UNC5C: variants seen among roughly 807,000 people sequenced by gnomAD.
UNC5C encodes the protein netrin receptor UNC5C.
A neutral mutation model predicts 99.8 loss-of-function variants in UNC5C; 47 were observed. The observed-to-expected ratio is 0.47, with a 90% confidence interval of 0.37 to 0.60. The LOEUF (loss-of-function observed/expected upper bound fraction) is 0.60, where lower values mean the gene tolerates loss of function less well. UNC5C is among the 20% of genes least tolerant of loss of function. The probability of loss-of-function intolerance (pLI) is 0.00; values close to 1 mark genes in which losing one functional copy is unlikely to be tolerated. For synonymous variants in UNC5C, 487 were observed against 452.2 expected (o/e 1.08, Z -0.98); for missense variants, 1,062 against 1,165.9 (o/e 0.91, Z 1.30).
At chr4:95,346,931 G>GA (rs1560797370) in intron 1 of UNC5C, among the ~76,000 whole-genome samples, 1 of 150,982 alleles carries the variant, frequency 6.6e-6, no homozygotes, top group African/African-American at 2.4e-5. Flanking sequence ...TCAGACAAGA[G>GA]AAAAAAAATA....
chr4:95,396,640 G>A (rs1410990303), intron 1 of UNC5C, among the ~76,000 whole-genome samples: 2 of 152,042 alleles, frequency 1.3e-5, no homozygotes, highest in African/African-American at 4.8e-5. Context: ...TCTCTCGACT[G>A]GTTCCTTCTG....
Position 95,301,625 on chromosome 4 carries a change from CT to C in UNC5C, c.470del (p.Lys157ArgfsTer18). On this transcript the variant is annotated frameshift_variant, in exon 3 of 16. Transcript: ENST00000453304. LOFTEE classifies it high-confidence loss of function. ...WSSAGTTKSRKAYVRIAYLRK... is the reference protein window; with the variant it reads ...WSSAGTTKSRXAYVRIAYLRK... ...ACTCACATGCAATGCGCACATACGC[CT>C]TCCGGCTCTTTGTGGTACCCGCGGA... 1 of 1,614,058 alleles carries C rather than the reference CT, an allele frequency of 6.2e-7. No homozygotes were observed.
chr4:95,529,417 T>C (rs1425026041), intron 1 of UNC5C, among the ~76,000 whole-genome samples: 1 of 150,458 alleles, frequency 6.6e-6, no homozygotes, highest in African/African-American at 2.4e-5. Context: ...TCTAGTCACA[T>C]TTATCCTCAT....
intron 1 of UNC5C, among the ~76,000 whole-genome samples, chr4:95,456,029 C>T (rs992802268): frequency 5.9e-5 from 9 of 151,978 alleles, no homozygotes; most frequent in East Asian, 1.9e-4. Flanking sequence ...GACTGCTACC[C>T]GGTGAGGCCT....
intron 12 of UNC5C, among the ~76,000 whole-genome samples, chr4:95,185,580 G>A (rs2149351841): frequency 6.6e-6 from 1 of 152,238 alleles, no homozygotes; most frequent in African/African-American, 2.4e-5. Flanking sequence ...TGATTGATAA[G>A]AAAGTAGATT....
chr4:95,306,048 T>A (rs551880194), intron 2 of UNC5C, among the ~76,000 whole-genome samples: 1 of 152,262 alleles, frequency 6.6e-6, no homozygotes, highest in East Asian at 1.9e-4. Context: ...TAAAATAATA[T>A]CTGTATTTCC....
intron 1 of UNC5C, among the ~76,000 whole-genome samples, chr4:95,345,845 T>C (rs1182275160): frequency 2.6e-5 from 4 of 152,034 alleles, no homozygotes; most frequent in South Asian, 2.1e-4. Flanking sequence ...CTATGGGATA[T>C]GGCAAAAGCA....
intron 3 of UNC5C, among the ~76,000 whole-genome samples, chr4:95,283,796 G>A (rs1430065057): frequency 6.6e-6 from 1 of 152,208 alleles, no homozygotes; most frequent in Non-Finnish European, 1.5e-5. Context: ...TTATAAGACT[G>A]CTACTAAAAT....
chr4:95,546,793 T>C (rs1483146093), intron 1 of UNC5C, among the ~76,000 whole-genome samples: 1 of 152,240 alleles, frequency 6.6e-6, no homozygotes, highest in Non-Finnish European at 1.5e-5. Flanking sequence ...TGTTTGATTA[T>C]CTTTATTGAT....
At chr4:95,186,703 A>AAT (rs1207180202) in intron 12 of UNC5C, among the ~76,000 whole-genome samples, 2 of 152,210 alleles carry the variant, frequency 1.3e-5, no homozygotes, top group African/African-American at 4.8e-5. Flanking sequence ...GAGATGAGGC[A>AAT]ATAGCACACT....
intron 1 of UNC5C, among the ~76,000 whole-genome samples, chr4:95,494,414 A>C (rs2149482335): frequency 6.6e-6 from 1 of 151,590 alleles, no homozygotes; most frequent in Admixed American, 6.6e-5. Context: ...CAGCTGTTGG[A>C]AAATTAGACC....
chr4:95,396,762 A>T (rs891560991), intron 1 of UNC5C, among the ~76,000 whole-genome samples: 4 of 152,172 alleles, frequency 2.6e-5, no homozygotes, highest in Admixed American at 1.3e-4. Flanking sequence ...GAATTACTGA[A>T]TCTACTTTTC....
chr4:95,248,230 C>A, intron 5 of UNC5C: 1 of 228,202 alleles, frequency 4.4e-6, no homozygotes, highest in Non-Finnish European at 8.8e-6. Context: ...TTTGGCTGGG[C>A]CTAAGAATTA....
At chr4:95,257,114 A>G (rs1159973412) in intron 4 of UNC5C, among the ~76,000 whole-genome samples, 1 of 152,156 alleles carries the variant, frequency 6.6e-6, no homozygotes, top group Non-Finnish European at 1.5e-5. Flanking sequence ...AATCAAGTTG[A>G]CACTCACTAT....
Position 95,169,227 on chromosome 4 carries a change from A to G in UNC5C, c.*7T>C, listed in dbSNP as rs771476437. On this transcript the variant is annotated 3_prime_UTR_variant, in exon 16 of 16. Transcript: ENST00000453304. ...TTTGTCCTTCATTTCCCCTTCCAGCATGGTGGTTAATACTGCCCTTCTGCT... is the reference window on the plus strand; with the variant it reads ...TTTGTCCTTCATTTCCCCTTCCAGCGTGGTGGTTAATACTGCCCTTCTGCT... 3.7e-6 allele frequency: 6 copies of G among 1,613,330 alleles called. No individual in the cohort carries two copies. The highest frequency in any genetic ancestry group is 4.2e-6 in the Non-Finnish European group (5 of 1,179,466).
intron 1 of UNC5C, among the ~76,000 whole-genome samples, chr4:95,478,818 G>A (rs954743307): frequency 6.6e-6 from 1 of 151,914 alleles, no homozygotes; most frequent in Non-Finnish European, 1.5e-5. Flanking sequence ...CTAGTGGCGG[G>A]TATATGGGTC....
chr4:95,272,216 T>A (rs2149391523), intron 4 of UNC5C, among the ~76,000 whole-genome samples: 1 of 152,328 alleles, frequency 6.6e-6, no homozygotes, highest in South Asian at 2.1e-4. Context: ...TCGAGGGACT[T>A]AACTGACTCG....
At chr4:95,520,668 G>A (rs899198401) in intron 1 of UNC5C, among the ~76,000 whole-genome samples, 1 of 149,062 alleles carries the variant, frequency 6.7e-6, no homozygotes, top group Non-Finnish European at 1.5e-5. Context: ...GTGCCCTCTC[G>A]GCTCACTGCA....
chr4:95,261,283 T>G (rs921307697), intron 4 of UNC5C, among the ~76,000 whole-genome samples: 2 of 152,150 alleles, frequency 1.3e-5, no homozygotes, highest in African/African-American at 2.4e-5. Context: ...CTTTCTGTTA[T>G]CAACATGACC....
Sources: gnomAD v4.1 joint callset for allele counts (sites outside exome capture counted in the v4.1 genomes callset) on GRCh38, gnomAD v4.1.1 for gene constraint, MANE v1.5 for transcripts, NCBI Gene and HGNC (gene_info 2026-07-23, HGNC 2026-07-21) for gene names.